CDH6: variants seen among roughly 807,000 people sequenced by gnomAD.
CDH6 encodes the protein cadherin-6.
In CDH6, 31 loss-of-function variants were observed where a neutral mutation model predicts 78.0. The observed-to-expected ratio is 0.40, with a 90% CI of 0.30 to 0.54. The LOEUF is 0.54. CDH6 is among the 20% of genes least tolerant of loss of function. The pLI is 0.56. For synonymous variants in CDH6, 376 were observed against 368.8 expected, an observed-to-expected ratio of 1.02 and a Z score of -0.23; for missense variants, 724 against 975.9, an observed-to-expected ratio of 0.74 and a Z score of 3.44.
chr5:31,235,478 T>A (rs1373110506), intron 1 of CDH6, among the ~76,000 whole-genome samples: 3 of 152,258 alleles, frequency 2.0e-5, no homozygotes, highest in Admixed American at 6.5e-5. Context: ...TTTTTACTGT[T>A]CTCCTTTATT....
At chr5:31,203,243 TTTA>T (rs1207966300) in intron 1 of CDH6, among the ~76,000 whole-genome samples, 3 of 129,746 alleles carry the variant, frequency 2.3e-5, no homozygotes, top group African/African-American at 6.8e-5. Context: ...CTTTTTTTTT[TTTA>T]TTTATTTTTT....
chr5:31,321,811 C>T (rs1738483594), intron 11 of CDH6, among the ~76,000 whole-genome samples: 1 of 152,158 alleles, frequency 6.6e-6, no homozygotes, highest in African/African-American at 2.4e-5. Flanking sequence ...CTGTAATACA[C>T]TCCTCTGCAC....
Position 31,322,988 on chromosome 5 carries a change from G to C in CDH6, c.2053G>C (p.Asp685His). 1.9e-6 allele frequency: 3 copies of C among 1,614,120 alleles called. No homozygotes were observed. The highest frequency in any genetic ancestry group is 2.5e-6 in the Non-Finnish European group (3 of 1,180,018). Residue 685 changes from aspartate to histidine, a missense_variant, in exon 12 of 12, where the codon GAC becomes CAC. Asp to His is a moderately conservative substitution (Grantham distance 81). This residue lies in a region of CDH6 where 220 missense variants were observed against 240.6 expected (regional missense o/e 0.91). Transcript: ENST00000265071. ...CCTGAGGAATCCTGAAGCCATAGAG[G>C]ACAACAAATTACGAAGGGACATTGT... ...GTLRNPEAIE[D>H]NKLRRDIVPE...
chr5:31,293,118 A>G (rs1227740820), intron 2 of CDH6, among the ~76,000 whole-genome samples: 2 of 151,926 alleles, frequency 1.3e-5, no homozygotes, highest in Non-Finnish European at 2.9e-5. Flanking sequence ...AACCCATTTC[A>G]CTGACAGTTA....
chr5:31,244,916 G>A (rs1318697665), intron 1 of CDH6, among the ~76,000 whole-genome samples: 1 of 152,132 alleles, frequency 6.6e-6, no homozygotes, highest in Non-Finnish European at 1.5e-5. Flanking sequence ...CATATACTGA[G>A]CCCCCCACAA....
intron 1 of CDH6, among the ~76,000 whole-genome samples, chr5:31,202,741 C>G (rs188333171): frequency 6.7e-6 from 1 of 148,942 alleles, no homozygotes; most frequent in Admixed American, 6.7e-5. Flanking sequence ...TACATATATG[C>G]GTGTATATAT....
chr5:31,275,814 T>C (rs1257841004), intron 2 of CDH6, among the ~76,000 whole-genome samples: 1 of 152,212 alleles, frequency 6.6e-6, no homozygotes, highest in Non-Finnish European at 1.5e-5. Context: ...TTTCCATTGA[T>C]ATGAAAAGCC....
At chr5:31,267,793 C>T in intron 2 of CDH6, 92 bp downstream of exon 2, 1 of 923,840 alleles carries the variant, frequency 1.1e-6, no homozygotes, top group Non-Finnish European at 1.7e-6. Context: ...TACTATTCCC[C>T]AATATAGTAA....
At chr5:31,259,449 A>G (rs768235196) in intron 1 of CDH6, among the ~76,000 whole-genome samples, 1 of 152,206 alleles carries the variant, frequency 6.6e-6, no homozygotes, top group Non-Finnish European at 1.5e-5. Context: ...TTAAAAGAAG[A>G]GCTAGCTCAT....
rs532001737 is a variant in CDH6 at position 31,224,058 on chromosome 5, C to T, written c.-129+30172C>T. 2.3e-4 allele frequency among the ~76,000 whole-genome samples: 35 copies of T among 152,246 alleles called. 1 individual carries two copies. The East Asian group carries it at 6.0e-3, about 26-fold the overall frequency. On this transcript the variant is annotated intron_variant, in intron 1 of 11. Transcript: ENST00000265071. ...ATGGTAACCCTGCGTACTAGTCTGT[C>T]TTCAGACTGCTAATAAAGACATACC...
intron 1 of CDH6, among the ~76,000 whole-genome samples, chr5:31,214,420 G>A (rs747399952): frequency 6.6e-6 from 1 of 152,174 alleles, no homozygotes; most frequent in African/African-American, 2.4e-5. Context: ...GGATTTGGAT[G>A]AGGCTAATGG....
chr5:31,193,782 A>G lies in CDH6; in HGVS notation c.-233A>G, dbSNP rs1277547797. 6.5e-6 allele frequency: 1 copy of G among 153,556 alleles called. No individual in the cohort carries two copies. The highest frequency in any genetic ancestry group is 2.4e-5 in the African/African-American group (1 of 41,468). 9.5% of individuals were successfully genotyped at this position (153,556 alleles called of 1,614,324 possible). A position where few individuals can be genotyped will look rare whatever the true frequency, so the allele number is the denominator to read the frequency against. Reference sequence around the variant, plus strand: ...CCCAAGAGCTGCAGTTTCAGCCGCGACAGCAAGAACGGCAGAGCCGGCGAC... The same window carrying G: ...CCCAAGAGCTGCAGTTTCAGCCGCGGCAGCAAGAACGGCAGAGCCGGCGAC... On this transcript the variant is annotated 5_prime_UTR_variant, in exon 1 of 12. Coordinates refer to ENST00000265071, the MANE Select transcript of CDH6 (RefSeq NM_004932.4).
At chr5:31,295,608 A>T (rs1035103670) in intron 3 of CDH6, among the ~76,000 whole-genome samples, 1 of 152,182 alleles carries the variant, frequency 6.6e-6, no homozygotes, top group Non-Finnish European at 1.5e-5. Context: ...ATATCTCATT[A>T]TTGTGATTAT....
intron 1 of CDH6, among the ~76,000 whole-genome samples, chr5:31,199,445 CACACACATATGTGTATATAT>C (rs1326584944): frequency 1.8e-3 from 8 of 4,526 alleles, no homozygotes; most frequent in South Asian, 0.014. Context: ...TGTATATATA[CACACACATATGTGTATATAT>C]ACACACACAT....
intron 1 of CDH6, among the ~76,000 whole-genome samples, chr5:31,199,464 A>G (rs61593379): frequency 1.2e-4 from 1 of 8,118 alleles, no homozygotes; most frequent in East Asian, 8.3e-3. Flanking sequence ...ATGTGTATAT[A>G]TACACACACA....
intron 1 of CDH6, among the ~76,000 whole-genome samples, chr5:31,196,902 CAATAAT>C (rs1226533414): frequency 6.6e-6 from 1 of 152,092 alleles, no homozygotes; most frequent in Admixed American, 6.5e-5. Flanking sequence ...TACTCAATAA[CAATAAT>C]AACATTATAT....
chr5:31,216,994 G>A (rs1256987409), intron 1 of CDH6, among the ~76,000 whole-genome samples: 1 of 152,096 alleles, frequency 6.6e-6, no homozygotes, highest in African/African-American at 2.4e-5. Context: ...CCTGGGTGCT[G>A]TTGTGCTCTC....
chr5:31,247,057 C>G (rs1246566380), intron 1 of CDH6, among the ~76,000 whole-genome samples: 1 of 152,166 alleles, frequency 6.6e-6, no homozygotes, highest in Non-Finnish European at 1.5e-5. Context: ...GGCCTAAAGA[C>G]TTTTTTAATT....
At chr5:31,248,729 A>G (rs1344705179) in intron 1 of CDH6, among the ~76,000 whole-genome samples, 2 of 150,986 alleles carry the variant, frequency 1.3e-5, no homozygotes, top group Non-Finnish European at 3.0e-5. Flanking sequence ...CAAAACATGC[A>G]CACACACACA....
Sources: allele counts gnomAD v4.1 joint callset (sites outside exome capture counted in the v4.1 genomes callset), GRCh38; gene constraint gnomAD v4.1.1; regional missense constraint gnomAD v4.1.1; transcripts MANE v1.5; gene names NCBI Gene and HGNC (gene_info 2026-07-23, HGNC 2026-07-21).